The following GTPBP3 variants were observed in gnomAD, a reference collection of about 807,000 sequenced individuals.
GTPBP3 encodes the protein GTP binding protein 3, mitochondrial.
In GTPBP3, 35 loss-of-function variants were observed where a neutral mutation model predicts 42.0. That is an observed-to-expected ratio of 0.83 (90% confidence interval 0.64 to 1.10). The LOEUF (loss-of-function observed/expected upper bound fraction) is 1.10, where lower values mean the gene tolerates loss of function less well. Among genes scored for constraint, GTPBP3 ranks in the 50% least tolerant of loss-of-function variants. GTPBP3 has a pLI of 0.00. For missense variants in GTPBP3, 691 were observed against 685.2 expected, an observed-to-expected ratio of 1.01 and a Z score of -0.09; for synonymous variants, 332 against 314.9, an observed-to-expected ratio of 1.05 and a Z score of -0.58.
intron 7 of GTPBP3, among the ~76,000 whole-genome samples, chr19:17,340,300 G>A (rs996814511): frequency 2.6e-5 from 4 of 152,046 alleles, no homozygotes; most frequent in Admixed American, 6.5e-5. Context: ...GCCTCCCAAA[G>A]TGCTGGGATT....
In GTPBP3 at chr19:17,339,139, G is replaced by A; in HGVS notation, c.681G>A (p.Arg227=). Residue 227 remains arginine, a synonymous_variant, in exon 6 of 9, where the codon CGG becomes CGA. Coordinates refer to ENST00000324894, the MANE Select transcript of GTPBP3 (RefSeq NM_032620.4). The part of the protein sequence containing the change: ...GVLEQADIEV[R]ALQVALGAHL... The stretch of plus-strand genomic sequence containing the variant: ...CACCCACAGCCGACATCGAAGTACG[G>A]GCACTGCAGGTGGCCCTGGGTGCAC... The A allele has an allele frequency of 6.2e-7, 1 of 1,614,046 alleles. No individual in the cohort carries two copies. Among genetic ancestry groups the A allele is most frequent in the South Asian group, 1.1e-5 (1 of 91,088 alleles).
At chr19:17,335,892 A>C (rs1050943533), upstream of GTPBP3, among the ~76,000 whole-genome samples, 1 of 152,220 alleles carries the variant, frequency 6.6e-6, no homozygotes, top group Non-Finnish European at 1.5e-5. Flanking sequence ...AGAGAATGGC[A>C]GATGAAATAT....
Position 17,339,206 on chromosome 19 carries a change from G to T in GTPBP3, c.748G>T (p.Val250Leu). 1 of 1,613,336 alleles carries T rather than the reference G, an allele frequency of 6.2e-7. No homozygotes were observed. The highest frequency in any genetic ancestry group is 8.5e-7 in the Non-Finnish European group (1 of 1,179,982). ...GCGCGGGCAGAGGCTCCGCTCAGGG[G>T]TGCACGTAGTGGTCACTGGACCCCC... ...ARRGQRLRSG[V>L]HVVVTGPPNA... The change falls in exon 6 of 9, where the codon GTG becomes TTG. Residue 250 changes from valine (V) to leucine (L), a missense_variant. Coordinates refer to ENST00000324894, the MANE Select transcript of GTPBP3 (RefSeq NM_032620.4).
At position 17,341,293 on chromosome 19, in the gene GTPBP3, G is replaced by A; in HGVS notation, c.1224G>A (p.Leu408=). 6.2e-7 allele frequency: 1 copy of A among 1,604,194 alleles called. No homozygotes were observed. The highest frequency in any genetic ancestry group is 8.5e-7 in the Non-Finnish European group (1 of 1,179,296). ...CGGGAGAGGGGCTGGACGGCCTCCT[G>A]GAGGCGCTGAGGAAGGAGCTAGCTG... ...CLTGEGLDGL[L]EALRKELAAV... The change falls in exon 8 of 9, where the codon CTG becomes CTA. Residue 408 remains leucine, a synonymous_variant. Coordinates refer to ENST00000324894, the MANE Select transcript of GTPBP3 (RefSeq NM_032620.4).
chr19:17,337,755 G>T, intron 1 of GTPBP3, 91 bp downstream of exon 1: 10 of 1,370,780 alleles, frequency 7.3e-6, no homozygotes, highest in Non-Finnish European at 9.6e-6. Flanking sequence ...ATTCCCTGCG[G>T]CAGAGCAATC....
chr19:17,342,632 GTCTT>G lies in GTPBP3; in HGVS notation c.*932_*935del, dbSNP rs1467467987. 8.5e-5 allele frequency: 13 copies of G among 152,072 alleles called. No homozygotes were observed. The highest frequency in any genetic ancestry group is 1.9e-4 in the Non-Finnish European group (13 of 68,044). The allele number at this position is 152,072 out of a possible 1,614,324, so 9.4% of individuals were successfully genotyped here. A position where few individuals can be genotyped will look rare whatever the true frequency, so the allele number is the denominator to read the frequency against. On this transcript the variant is annotated 3_prime_UTR_variant, in exon 9 of 9. Transcript: ENST00000324894. ...CTGTGGTTGTCATGGCTTAATGTGT[GTCTT>G]TCCAGAACTTTGAATGTTTGCATAC...
Position 17,338,068 on chromosome 19 carries a change from G to A in GTPBP3, c.114G>A (p.Ala38=). Residue 38 remains alanine, a synonymous_variant, in exon 2 of 9, where the codon GCG becomes GCA. Coordinates refer to ENST00000324894, the MANE Select transcript of GTPBP3 (RefSeq NM_032620.4). The part of the protein sequence containing the change: ...PAPGSGATIF[A]LSSGQGRCGI... ...CCGGCTCCGGCGCCACCATCTTCGCGCTAAGCTCTGGCCAAGGCCGCTGCG... is the reference window on the plus strand; with the variant it reads ...CCGGCTCCGGCGCCACCATCTTCGCACTAAGCTCTGGCCAAGGCCGCTGCG... 6.3e-7 allele frequency: 1 copy of A among 1,597,934 alleles called. No homozygotes were observed. The highest frequency in any genetic ancestry group is 8.5e-7 in the Non-Finnish European group (1 of 1,179,464).
chr19:17,338,068 G>T lies in GTPBP3; in HGVS notation c.114G>T (p.Ala38=), dbSNP rs781637877. The change falls in exon 2 of 9, where the codon GCG becomes GCT. Residue 38 remains alanine (A), a synonymous_variant. Transcript: ENST00000324894. ...CCGGCTCCGGCGCCACCATCTTCGC[G>T]CTAAGCTCTGGCCAAGGCCGCTGCG... is the stretch of plus-strand genomic sequence containing the variant. ...PAPGSGATIF[A]LSSGQGRCGI... is the part of the protein sequence containing the mutation. The T allele has an allele frequency of 3.1e-6, 5 of 1,597,934 alleles. No individual in the cohort carries two copies. Among genetic ancestry groups the T allele is most frequent in the Non-Finnish European group, 3.4e-6 (4 of 1,179,464 alleles).
intron 7 of GTPBP3, 60 bp from the exon 8 acceptor site, chr19:17,340,984 C>A: frequency 6.4e-7 from 1 of 1,566,046 alleles, no homozygotes; most frequent in Non-Finnish European, 8.7e-7. Context: ...ACTGTCCCTC[C>A]ACCCAGTGCC....
chr19:17,337,578 C>T lies in GTPBP3; in HGVS notation c.-34C>T. 7.6e-7 allele frequency: 1 copy of T among 1,317,840 alleles called. No homozygotes were observed. The allele number at this position is 1,317,840 out of a possible 1,614,324, so 81.6% of individuals were successfully genotyped here. Reference sequence around the variant, plus strand: ...CTGCCCAGACTTGAAGCCACACAGGCAGGTCGGGCAGGCGGGTCGCAGGTT... The same window carrying T: ...CTGCCCAGACTTGAAGCCACACAGGTAGGTCGGGCAGGCGGGTCGCAGGTT... On this transcript the variant is annotated 5_prime_UTR_variant, in exon 1 of 9. Transcript: ENST00000324894.
At chr19:17,337,409 C>G (rs944696747), upstream of GTPBP3, 6 of 1,107,154 alleles carry the variant, frequency 5.4e-6, no homozygotes, top group African/African-American at 9.8e-5. Flanking sequence ...ACCTCCATAC[C>G]GCCTCCCGCT....
upstream of GTPBP3, chr19:17,337,430 C>T: frequency 2.5e-6 from 3 of 1,204,542 alleles, no homozygotes; most frequent in Non-Finnish European, 3.1e-6. Context: ...CCCGCTCTCC[C>T]TTGCACCAGC....
chr19:17,341,429 G>A, intron 8 of GTPBP3, 49 bp from the exon 9 acceptor site: 2 of 1,576,142 alleles, frequency 1.3e-6, no homozygotes, highest in Middle Eastern at 3.5e-4. Context: ...TCCCCTTCAA[G>A]GGATGGTTGT....
chr19:17,337,904 G>A (rs1487845693), intron 1 of GTPBP3, 104 bp from the exon 2 acceptor site: 2 of 1,457,242 alleles, frequency 1.4e-6, no homozygotes, highest in Admixed American at 4.0e-5. Context: ...CCCAGCCGCA[G>A]AACCCCCCCA....
Position 17,338,974 on chromosome 19 carries a change from C to T in GTPBP3, c.612C>T (p.Ala204=). ...GCCAGGCTCTGGCCCACGTGGAGGC[C>T]TATATCGATTTCGGCGAGGATGACA... ...TLTKALAHVE[A]YIDFGEDDNL... Residue 204 remains alanine (A), a synonymous_variant, in exon 5 of 9, where the codon GCC becomes GCT. Transcript: ENST00000324894. 6.2e-7 allele frequency: 1 copy of T among 1,610,338 alleles called. No homozygotes were observed. The highest frequency in any genetic ancestry group is 8.5e-7 in the Non-Finnish European group (1 of 1,177,842).
Position 17,341,744 on chromosome 19 carries a change from A to C in GTPBP3, c.*41A>C, listed in dbSNP as rs1182362270. 1 of 1,502,896 alleles carries C rather than the reference A, an allele frequency of 6.7e-7. No individual in the cohort carries two copies. The highest frequency in any genetic ancestry group is 2.3e-5 in the East Asian group (1 of 43,696). The allele number at this position is 1,502,896 out of a possible 1,614,324, so 93.1% of individuals were successfully genotyped here. Reference sequence around the variant, plus strand: ...TCGCACCCAAGCTGCGTGGAGACCCAGGAGCCTCGGGGGATCTGGAAACAG... The same window carrying C: ...TCGCACCCAAGCTGCGTGGAGACCCCGGAGCCTCGGGGGATCTGGAAACAG... On this transcript the variant is annotated 3_prime_UTR_variant, in exon 9 of 9. Coordinates refer to ENST00000324894, the MANE Select transcript of GTPBP3 (RefSeq NM_032620.4).
chr19:17,336,767 C>T (rs1013108216), upstream of GTPBP3: 4 of 152,190 alleles, frequency 2.6e-5, no homozygotes, highest in Non-Finnish European at 5.9e-5. Context: ...CTCCGAGGCT[C>T]CCCTTTCTGG....
At chr19:17,337,378 GAAC>G (rs1419971651), upstream of GTPBP3, 5 of 817,188 alleles carry the variant, frequency 6.1e-6, no homozygotes, top group Non-Finnish European at 8.2e-6. Flanking sequence ...GTTGCCCGGG[GAAC>G]AACATTTCGC....
intron 5 of GTPBP3, 41 bp downstream of exon 5, chr19:17,339,067 C>T: frequency 6.2e-7 from 1 of 1,614,184 alleles, no homozygotes; most frequent in Non-Finnish European, 8.5e-7. Flanking sequence ...CACCTCATAT[C>T]AGCCCTCAAA....
Sources: allele counts gnomAD v4.1 joint callset (sites outside exome capture counted in the v4.1 genomes callset), GRCh38; gene constraint gnomAD v4.1.1; transcripts MANE v1.5; gene names NCBI Gene and HGNC (gene_info 2026-07-23, HGNC 2026-07-21).